The following GRM8 variants were observed in gnomAD, a reference collection of about 807,000 sequenced individuals.
The protein encoded by GRM8 is glutamate metabotropic receptor 8, also known as metabotropic glutamate receptor 8.
A neutral mutation model predicts 87.2 loss-of-function variants in GRM8; 47 were observed. The observed-to-expected ratio is 0.54, with a 90% CI of 0.43 to 0.69. The LOEUF is 0.69. Among genes scored for constraint, GRM8 ranks in the 30% least tolerant of loss-of-function variants. GRM8 has a pLI of 0.00. For missense variants in GRM8, 1,019 were observed against 1,139.2 expected (o/e 0.89, Z 1.52); for synonymous variants, 396 against 404.5 (o/e 0.98, Z 0.25).
chr7:126,782,939 T>A (rs1489661935), intron 6 of GRM8, among the ~76,000 whole-genome samples: 5 of 151,714 alleles, frequency 3.3e-5, no homozygotes, highest in African/African-American at 1.2e-4. Context: ...TCTGGGAGAG[T>A]TTCTGTGCCA....
At chr7:127,173,245 C>T (rs977526097) in intron 2 of GRM8, among the ~76,000 whole-genome samples, 7 of 152,102 alleles carry the variant, frequency 4.6e-5, no homozygotes, top group Non-Finnish European at 1.0e-4. Flanking sequence ...GCATGATAAA[C>T]GAGTGCCAGG....
intron 3 of GRM8, among the ~76,000 whole-genome samples, chr7:127,059,351 T>G (rs1276600990): frequency 6.6e-6 from 1 of 151,170 alleles, no homozygotes; most frequent in East Asian, 1.9e-4. Flanking sequence ...TTTTTGTTTT[T>G]TTTGAGATGG....
intron 9 of GRM8, among the ~76,000 whole-genome samples, chr7:126,498,243 A>T (rs1260019734): frequency 1.3e-5 from 2 of 151,984 alleles, no homozygotes; most frequent in East Asian, 3.9e-4. Flanking sequence ...GTTCTGATGT[A>T]TATTTGTACC....
chr7:126,630,972 A>C (rs1801198011), intron 7 of GRM8, among the ~76,000 whole-genome samples: 1 of 152,196 alleles, frequency 6.6e-6, no homozygotes, highest in Admixed American at 6.5e-5. Flanking sequence ...AAGCTGGCAC[A>C]AGACAAGGAT....
chr7:126,775,316 T>C (rs540165453), intron 6 of GRM8, among the ~76,000 whole-genome samples: 2 of 152,230 alleles, frequency 1.3e-5, no homozygotes, highest in African/African-American at 4.8e-5. Context: ...CTTCTCTGCC[T>C]ATTGATAACC....
chr7:126,978,995 TAGTC>T (rs1811275957), intron 3 of GRM8, among the ~76,000 whole-genome samples: 1 of 152,242 alleles, frequency 6.6e-6, no homozygotes, highest in African/African-American at 2.4e-5. Context: ...CTAAATATAA[TAGTC>T]TGTCTGGCAT....
intron 6 of GRM8, among the ~76,000 whole-genome samples, chr7:126,813,714 T>A (rs981214196): frequency 6.6e-6 from 1 of 152,074 alleles, no homozygotes; most frequent in Non-Finnish European, 1.5e-5. Context: ...CCATTCTCCA[T>A]GAAACTTGTA....
intron 6 of GRM8, among the ~76,000 whole-genome samples, chr7:126,860,782 T>C (rs1047224477): frequency 3.3e-5 from 5 of 152,164 alleles, no homozygotes; most frequent in Non-Finnish European, 7.4e-5. Flanking sequence ...ATTGTGACTA[T>C]TGGAAAAATA....
intron 2 of GRM8, among the ~76,000 whole-genome samples, chr7:127,212,410 A>ATTTTTTTTTT (rs144077638): frequency 8.2e-5 from 8 of 97,716 alleles, no homozygotes; most frequent in South Asian, 3.6e-4. Flanking sequence ...ACATGGTGTT[A>ATTTTTTTTTT]TTTTTTTTTT....
chr7:126,821,636 G>A (rs972814601), intron 6 of GRM8, among the ~76,000 whole-genome samples: 6 of 152,086 alleles, frequency 3.9e-5, no homozygotes, highest in African/African-American at 1.4e-4. Flanking sequence ...CTTCCTTTCA[G>A]AGCAATTCTT....
intron 3 of GRM8, among the ~76,000 whole-genome samples, chr7:127,091,927 A>C: frequency 5.4e-5 from 2 of 37,000 alleles, no homozygotes; most frequent in Admixed American, 3.5e-4. Flanking sequence ...CCCACTGATC[A>C]TCCCCGCCAT....
At chr7:126,564,990 T>C (rs894633277) in intron 8 of GRM8, among the ~76,000 whole-genome samples, 2 of 152,140 alleles carry the variant, frequency 1.3e-5, no homozygotes, top group Non-Finnish European at 2.9e-5. Context: ...CAGAAAGGCA[T>C]TTGATGAAAT....
At chr7:127,218,884 C>T (rs1369383220) in intron 2 of GRM8, among the ~76,000 whole-genome samples, 1 of 152,238 alleles carries the variant, frequency 6.6e-6, no homozygotes, top group Admixed American at 6.5e-5. Context: ...TTCTTTCATG[C>T]CTCCTAATGG....
intron 8 of GRM8, among the ~76,000 whole-genome samples, chr7:126,567,519 G>T (rs1330307610): frequency 6.6e-6 from 1 of 152,050 alleles, no homozygotes; most frequent in African/African-American, 2.4e-5. Context: ...TAACAAACCT[G>T]CACGTTGTGC....
chr7:127,099,344 A>G (rs1321409422), intron 3 of GRM8, among the ~76,000 whole-genome samples: 2 of 152,206 alleles, frequency 1.3e-5, no homozygotes, highest in African/African-American at 4.8e-5. Flanking sequence ...GGAAATAAAA[A>G]TAAATTAGGC....
At chr7:127,038,378 A>G (rs925772519) in intron 3 of GRM8, among the ~76,000 whole-genome samples, 1 of 152,204 alleles carries the variant, frequency 6.6e-6, no homozygotes, top group African/African-American at 2.4e-5. Context: ...TAAGAAAACA[A>G]CATGAAGAAA....
Position 126,750,123 on chromosome 7 carries a change from G to A in GRM8, c.1357+19742C>T, listed in dbSNP as rs142335844. 4.0e-3 allele frequency among the ~76,000 whole-genome samples: 609 copies of A among 152,212 alleles called. 3 individuals carry two copies. Among genetic ancestry groups the A allele is most frequent in the Non-Finnish European group, 6.1e-3 (413 of 67,998 alleles). Reference sequence around the variant, plus strand: ...CAACTAATGAATGAATACACAAATTGTGATATGCAAAAAGGGAGGTGGGCA... The same window carrying A: ...CAACTAATGAATGAATACACAAATTATGATATGCAAAAAGGGAGGTGGGCA... On this transcript the variant is annotated intron_variant, in intron 7 of 10. Coordinates refer to ENST00000339582, the MANE Select transcript of GRM8 (RefSeq NM_000845.3).
At chr7:126,637,267 CA>C (rs1247087081) in intron 7 of GRM8, among the ~76,000 whole-genome samples, 8 of 151,038 alleles carry the variant, frequency 5.3e-5, no homozygotes. Flanking sequence ...ATATGATAAG[CA>C]AAAAAAGAAA....
At chr7:126,746,028 C>T (rs1815632169) in intron 7 of GRM8, among the ~76,000 whole-genome samples, 1 of 151,566 alleles carries the variant, frequency 6.6e-6, no homozygotes, top group Non-Finnish European at 1.5e-5. Flanking sequence ...GAGAATACTG[C>T]TTATTAAAGT....
Sources: allele counts gnomAD v4.1 joint callset (sites outside exome capture counted in the v4.1 genomes callset), GRCh38; gene constraint gnomAD v4.1.1; transcripts MANE v1.5; gene names NCBI Gene and HGNC (gene_info 2026-07-23, HGNC 2026-07-21).